Variants in DNAH14 observed in about 807,000 individuals in gnomAD.
DNAH14 encodes axonemal beta dynein heavy chain 14.
Under a neutral mutation model 520.9 loss-of-function variants are expected in DNAH14, and 478 were observed. That is an observed-to-expected ratio of 0.92 (90% confidence interval 0.85 to 0.99). The LOEUF (loss-of-function observed/expected upper bound fraction) is 0.99, where lower values mean the gene tolerates loss of function less well. Among genes scored for constraint, DNAH14 ranks in the 50% least tolerant of loss-of-function variants. The pLI, the probability that DNAH14 is intolerant of heterozygous loss-of-function variation, is 0.00. For missense variants in DNAH14, 4,831 were observed against 5,234.5 expected, an observed-to-expected ratio of 0.92 and a Z score of 2.38; for synonymous variants, 1,581 against 1,757.2, an observed-to-expected ratio of 0.90 and a Z score of 2.51.
chr1:225,132,240 A>G (rs970875252), intron 27 of DNAH14, among the ~76,000 whole-genome samples: 3 of 151,782 alleles, frequency 2.0e-5, no homozygotes, highest in African/African-American at 7.3e-5. Flanking sequence ...GTACATGTGC[A>G]GGATGTTCAG....
intron 5 of DNAH14, 81 bp downstream of exon 5, chr1:224,964,690 T>C (rs950854744): frequency 6.4e-6 from 8 of 1,244,596 alleles, no homozygotes; most frequent in Non-Finnish European, 8.6e-6. Context: ...ATTTCAGATA[T>C]TATGTCAAAG....
intron 79 of DNAH14, among the ~76,000 whole-genome samples, chr1:225,377,804 A>T (rs2095721437): frequency 7.6e-6 from 1 of 131,540 alleles, no homozygotes; most frequent in African/African-American, 2.9e-5. Context: ...ACAAATTTTA[A>T]CACTTTTAAA....
At chr1:225,227,171 C>A (rs544310809) in intron 41 of DNAH14, among the ~76,000 whole-genome samples, 1 of 151,934 alleles carries the variant, frequency 6.6e-6, no homozygotes. Context: ...AGACCCTTTA[C>A]GGGTGTCAGG....
In DNAH14 at chr1:225,201,342, A is replaced by C. The variant is rs185817178; in HGVS notation, c.5887-2841A>C. On this transcript the variant is annotated intron_variant, in intron 38 of 85. Coordinates refer to ENST00000682510, the MANE Select transcript of DNAH14 (RefSeq NM_001367479.1). ...GCCTCCCTGATTAGCTAAACAACTAACCTTCTGAATTCTTTTTCAGGTAAA... is the reference window on the plus strand; with the variant it reads ...GCCTCCCTGATTAGCTAAACAACTACCCTTCTGAATTCTTTTTCAGGTAAA... Among the ~76,000 whole-genome samples the C allele has an allele frequency of 6.0e-3, 915 of 152,102 alleles. 26 individuals are homozygous for C. The highest frequency in any genetic ancestry group is 3.3e-3 in the Non-Finnish European group (225 of 67,984).
At chr1:225,216,155 A>G (rs184380921) in intron 41 of DNAH14, among the ~76,000 whole-genome samples, 19 of 152,188 alleles carry the variant, frequency 1.2e-4, no homozygotes, top group African/African-American at 3.9e-4. Flanking sequence ...TCACTTACGA[A>G]GCTTAGTTTG....
rs1393616513 is a variant in DNAH14, at chr1:225,252,430, A to G, written c.6865+13A>G. On this transcript the variant is annotated intron_variant, in intron 44 of 85. Coordinates refer to ENST00000682510, the MANE Select transcript of DNAH14 (RefSeq NM_001367479.1). ...CTAATTCAAAGAGGTAAGAATAATT[A>G]TAAGAATCATACTTGTAACGTTAGA... 2 of 1,342,168 alleles carry G rather than the reference A, an allele frequency of 1.5e-6. No homozygotes were observed. Among genetic ancestry groups the G allele is most frequent in the Non-Finnish European group, 2.1e-6 (2 of 959,410 alleles). The allele number at this position is 1,342,168 out of a possible 1,614,324, so 83.1% of individuals were successfully genotyped here. A position where few individuals can be genotyped will look rare whatever the true frequency, so the allele number is the denominator to read the frequency against.
intron 21 of DNAH14, among the ~76,000 whole-genome samples, chr1:225,093,716 T>C (rs570993812): frequency 6.6e-6 from 1 of 152,272 alleles, no homozygotes; most frequent in South Asian, 2.1e-4. Context: ...GACCATATGA[T>C]TCTATACCTA....
chr1:224,993,950 A>C lies in DNAH14; in HGVS notation c.831-8833A>C, dbSNP rs534245897. Among the ~76,000 whole-genome samples, 23 of 152,096 alleles carry C rather than the reference A, an allele frequency of 1.5e-4. 1 individual carries two copies. The highest frequency in any genetic ancestry group is 4.8e-4 in the African/African-American group (20 of 41,540). ...TTCTTCATTGGCTTTTTCGTTGTGC[A>C]AGAACATGTTGTTTTGTGTCTATGT... On this transcript the variant is annotated intron_variant, in intron 8 of 85. Coordinates refer to ENST00000682510, the MANE Select transcript of DNAH14 (RefSeq NM_001367479.1).
chr1:225,049,635 T>C (rs1210496381), intron 15 of DNAH14, among the ~76,000 whole-genome samples: 1 of 152,140 alleles, frequency 6.6e-6, no homozygotes, highest in Non-Finnish European at 1.5e-5. Flanking sequence ...TCACACAGAT[T>C]TTCTCTCCTA....
At chr1:225,143,102 T>G (rs1280998755) in intron 28 of DNAH14, among the ~76,000 whole-genome samples, 1 of 152,054 alleles carries the variant, frequency 6.6e-6, no homozygotes, top group Non-Finnish European at 1.5e-5. Context: ...CCTTTTGGTC[T>G]AGGGTCATCA....
At chr1:225,043,164 T>C (rs937172636) in intron 13 of DNAH14, 50 bp downstream of exon 13, 57 of 1,493,498 alleles carry the variant, frequency 3.8e-5, no homozygotes, top group Non-Finnish European at 4.6e-5. Flanking sequence ...GTGTGGTGGC[T>C]CATGCCTGCA....
At chr1:225,100,437 C>T (rs1375205390) in intron 22 of DNAH14, among the ~76,000 whole-genome samples, 2 of 152,158 alleles carry the variant, frequency 1.3e-5, no homozygotes, top group Non-Finnish European at 2.9e-5. Context: ...ATTGTTTCTA[C>T]TTACCTTATG....
At chr1:225,144,177 A>T (rs933194551) in intron 28 of DNAH14, among the ~76,000 whole-genome samples, 19 of 152,196 alleles carry the variant, frequency 1.2e-4, no homozygotes, top group Non-Finnish European at 2.8e-4. Flanking sequence ...AGAGGGAAGC[A>T]TGTTCACATG....
intron 54 of DNAH14, 97 bp from the exon 55 acceptor site, chr1:225,289,788 A>T: frequency 1.2e-6 from 1 of 828,718 alleles, no homozygotes; most frequent in Non-Finnish European, 1.7e-6. Flanking sequence ...GGGTATTTTT[A>T]CATCAAAATT....
chr1:225,117,755 T>C lies in DNAH14; in HGVS notation c.3939T>C (p.Ile1313=), dbSNP rs979527623. 3 of 1,551,018 alleles carry C rather than the reference T, an allele frequency of 1.9e-6. No homozygotes were observed. The highest frequency in any genetic ancestry group is 2.6e-6 in the Non-Finnish European group (3 of 1,146,820). ...YFLSNAELLD[I]LADSRNPESV... ...TTAGCAATGCCGAGCTTCTTGATAT[T>C]CTAGCTGATAGCAGAAATCCTGAGT... The change falls in exon 24 of 86, where the codon ATT becomes ATC. Residue 1313 remains isoleucine, a synonymous_variant. Coordinates refer to ENST00000682510, the MANE Select transcript of DNAH14 (RefSeq NM_001367479.1).
At chr1:225,330,488 G>A (rs1030061029) in intron 64 of DNAH14, among the ~76,000 whole-genome samples, 2 of 152,116 alleles carry the variant, frequency 1.3e-5, no homozygotes, top group African/African-American at 4.8e-5. Context: ...AAAGAATGAG[G>A]TCTTGTCATT....
At chr1:225,284,471 CAAAT>C (rs2093693843) in intron 54 of DNAH14, among the ~76,000 whole-genome samples, 1 of 152,020 alleles carries the variant, frequency 6.6e-6, no homozygotes, top group Non-Finnish European at 1.5e-5. Context: ...AGAGCAGTAA[CAAAT>C]AAGGAGATTT....
intron 31 of DNAH14, 108 bp downstream of exon 31, chr1:225,147,357 G>A (rs1025911848): frequency 8.2e-7 from 1 of 1,216,848 alleles, no homozygotes; most frequent in South Asian, 2.6e-5. Flanking sequence ...GGTCTTTGGG[G>A]TGTTTTTTTT....
intron 45 of DNAH14, 139 bp downstream of exon 45, chr1:225,258,257 A>T: frequency 1.2e-6 from 1 of 842,932 alleles, no homozygotes; most frequent in Non-Finnish European, 1.7e-6. Context: ...TTATTTTCTT[A>T]CCAGCAGTTT....
Sources: gnomAD v4.1 joint callset for allele counts (sites outside exome capture counted in the v4.1 genomes callset) on GRCh38, gnomAD v4.1.1 for gene constraint, MANE v1.5 for transcripts, NCBI Gene and HGNC (gene_info 2026-07-23, HGNC 2026-07-21) for gene names.